The following ATOSA variants were observed in gnomAD, a reference collection of about 807,000 sequenced individuals.
The protein encoded by ATOSA is atos homolog A.
the ATOSA span, among the ~76,000 whole-genome samples, chr15:52,683,315 GC>G: frequency 2.0e-5 from 3 of 152,180 alleles, no homozygotes; most frequent in Non-Finnish European, 4.4e-5. Context: ...TAAGTAGAAG[GC>G]AGCCGCTTCC....
the ATOSA span, among the ~76,000 whole-genome samples, chr15:52,663,846 G>A: frequency 7.8e-4 from 119 of 151,914 alleles, no homozygotes; most frequent in African/African-American, 2.7e-3. Flanking sequence ...GGCTCATCTT[G>A]AACTCCTGGG....
the ATOSA span, among the ~76,000 whole-genome samples, chr15:52,650,140 T>C: frequency 6.6e-6 from 1 of 152,112 alleles, no homozygotes; most frequent in African/African-American, 2.4e-5. Flanking sequence ...AAAATGAAAA[T>C]TGCTAGATTG....
chr15:52,700,027 T>G, the ATOSA span, among the ~76,000 whole-genome samples: 22 of 152,320 alleles, frequency 1.4e-4, no homozygotes, highest in South Asian at 4.4e-3. Flanking sequence ...TACTTTATTT[T>G]CAATGTATAA....
chr15:52,689,324 T>G, the ATOSA span, among the ~76,000 whole-genome samples: 2 of 152,204 alleles, frequency 1.3e-5, no homozygotes, highest in East Asian at 3.8e-4. Context: ...GACATTTTCC[T>G]CTCAGTAAAT....
the ATOSA span, among the ~76,000 whole-genome samples, chr15:52,689,697 A>G: frequency 6.6e-6 from 1 of 152,208 alleles, no homozygotes; most frequent in African/African-American, 2.4e-5. Context: ...GTGGCCTACA[A>G]AGTTGCTCAG....
the ATOSA span, among the ~76,000 whole-genome samples, chr15:52,643,626 T>C: frequency 2.6e-3 from 390 of 151,508 alleles, 2 homozygotes; most frequent in African/African-American, 9.2e-3. Flanking sequence ...TTTTAAAAAC[T>C]GTATTTTAGC....
chr15:52,594,004 G>A, the ATOSA span, among the ~76,000 whole-genome samples: 3 of 152,060 alleles, frequency 2.0e-5, no homozygotes, highest in African/African-American at 4.8e-5. Context: ...AACTCACACT[G>A]AACTCTCCTG....
At chr15:52,664,577 G>GT in the ATOSA span, among the ~76,000 whole-genome samples, 1 of 152,168 alleles carries the variant, frequency 6.6e-6, no homozygotes, top group Non-Finnish European at 1.5e-5. Context: ...ACAATGAGTT[G>GT]TCCAGCTCCA....
At chr15:52,588,903 A>T in the ATOSA span, among the ~76,000 whole-genome samples, 3 of 152,246 alleles carry the variant, frequency 2.0e-5, no homozygotes, top group Non-Finnish European at 2.9e-5. Context: ...ATGTAAAAGC[A>T]AATATAAAAC....
At chr15:52,608,197 C>T in the ATOSA span, among the ~76,000 whole-genome samples, 1 of 152,080 alleles carries the variant, frequency 6.6e-6, no homozygotes, top group Non-Finnish European at 1.5e-5. Context: ...GGCCTGGGTG[C>T]TTCTGACTAG....
chr15:52,664,833 G>A, the ATOSA span, among the ~76,000 whole-genome samples: 4 of 152,086 alleles, frequency 2.6e-5, no homozygotes, highest in African/African-American at 9.7e-5. Context: ...AGTTGCTTGG[G>A]AGGCTGAGGT....
the ATOSA span, among the ~76,000 whole-genome samples, chr15:52,659,038 C>T: frequency 3.3e-5 from 5 of 151,988 alleles, no homozygotes; most frequent in African/African-American, 7.2e-5. Context: ...TAAGTTTGTA[C>T]GGGCCATCTG....
the ATOSA span, among the ~76,000 whole-genome samples, chr15:52,709,258 G>A: frequency 6.6e-6 from 1 of 152,146 alleles, no homozygotes; most frequent in African/African-American, 2.4e-5. Context: ...CTGGCCCAGA[G>A]CCTCTTTCCT....
the ATOSA span, among the ~76,000 whole-genome samples, chr15:52,650,291 C>T: frequency 1.3e-5 from 2 of 152,098 alleles, no homozygotes; most frequent in East Asian, 3.8e-4. Context: ...ATTGTGGAGG[C>T]CACCAAGTCC....
the ATOSA span, chr15:52,609,470 G>A: frequency 6.8e-6 from 11 of 1,613,354 alleles, no homozygotes; most frequent in East Asian, 4.5e-5. Context: ...ACATCTTGCC[G>A]CTCCTGGAGT....
chr15:52,690,380 GA>G, the ATOSA span, among the ~76,000 whole-genome samples: 1 of 152,196 alleles, frequency 6.6e-6, no homozygotes, highest in African/African-American at 2.4e-5. Flanking sequence ...ATGTATGTCA[GA>G]AGCATGTGAT....
At chr15:52,587,851 T>C in the ATOSA span, among the ~76,000 whole-genome samples, 2 of 152,238 alleles carry the variant, frequency 1.3e-5, no homozygotes, top group South Asian at 4.1e-4. Context: ...AATCTCACTT[T>C]CCTAAAATTA....
At chr15:52,607,239 C>T in the ATOSA span, among the ~76,000 whole-genome samples, 1 of 152,126 alleles carries the variant, frequency 6.6e-6, no homozygotes, top group Non-Finnish European at 1.5e-5. Context: ...TCCCTATAGA[C>T]ACTTTGAAAG....
the ATOSA span, among the ~76,000 whole-genome samples, chr15:52,669,395 G>T: frequency 6.6e-6 from 1 of 152,064 alleles, no homozygotes; most frequent in African/African-American, 2.4e-5. Context: ...TAAACAAAAA[G>T]AAGTTTGCCA....
Sources: allele counts gnomAD v4.1 joint callset (sites outside exome capture counted in the v4.1 genomes callset), GRCh38; gene constraint gnomAD v4.1.1; transcripts MANE v1.5; gene names NCBI Gene and HGNC (gene_info 2026-07-23, HGNC 2026-07-21).